Variants in WAPL observed in about 807,000 individuals in gnomAD.
WAPL encodes the protein wings apart-like protein homolog.
WAPL carries 5 observed loss-of-function variants against 121.0 expected under a neutral mutation model. The observed-to-expected ratio is 0.04, with a 90% CI of 0.02 to 0.09. WAPL has a LOEUF of 0.09. WAPL is among the 10% of genes least tolerant of loss of function. WAPL has a pLI of 1.00. For synonymous variants in WAPL, 480 were observed against 481.5 expected (o/e 1.00, Z 0.04); for missense variants, 999 against 1,410.8 (o/e 0.71, Z 4.68).
chr10:86,443,180 C>A, intron 17 of WAPL, 95 bp downstream of exon 17: 2 of 957,142 alleles, frequency 2.1e-6, no homozygotes, highest in Admixed American at 2.2e-5. Context: ...GGGGGAAACA[C>A]TGAAGAAATA....
In WAPL at chr10:86,472,735, T is replaced by C; in HGVS notation, c.1770A>G (p.Gln590=). The C allele has an allele frequency of 6.2e-7, 1 of 1,613,526 alleles. No individual in the cohort carries two copies. The highest frequency in any genetic ancestry group is 8.5e-7 in the Non-Finnish European group (1 of 1,179,698). ...TVRLSSKEPN[Q]KDDGVFKAPA... is the part of the protein sequence containing the mutation. ...GAGCCTTAAAAACTCCATCATCTTT[T>C]TGATTTGGTTCCTTTGAAGACAGCC... Residue 590 remains glutamine (Q), a synonymous_variant, in exon 6 of 19, where the codon CAA becomes CAG. Coordinates refer to ENST00000298767, the MANE Select transcript of WAPL (RefSeq NM_015045.5). The surrounding 1 kb of genome is among the most constrained non-coding windows in gnomAD (Gnocchi z 4.2).
intron 4 of WAPL, among the ~76,000 whole-genome samples, chr10:86,496,027 T>C (rs576555784): frequency 1.1e-4 from 17 of 152,284 alleles, no homozygotes; most frequent in Admixed American, 4.6e-4. Flanking sequence ...GGCAGGAGAA[T>C]TCCTTGAACC....
chr10:86,453,463 A>C (rs1454889129), intron 13 of WAPL, 128 bp from the exon 14 acceptor site: 8 of 1,210,246 alleles, frequency 6.6e-6, no homozygotes, highest in African/African-American at 3.1e-5. Flanking sequence ...CATACTATTG[A>C]TACTTCTGGG....
In WAPL at chr10:86,472,892, G is replaced by A; in HGVS notation, c.1741-128C>T. Reference sequence around the variant, plus strand: ...TTTTTAAAAAGCAGGGAGCAGGGAGGCCTCTCAAAGGTCTTTAGAAATACT... The same window carrying A: ...TTTTTAAAAAGCAGGGAGCAGGGAGACCTCTCAAAGGTCTTTAGAAATACT... On this transcript the variant is annotated intron_variant, in intron 5 of 18. Coordinates refer to ENST00000298767, the MANE Select transcript of WAPL (RefSeq NM_015045.5). The surrounding 1 kb of genome is among the most constrained non-coding windows in gnomAD (Gnocchi z 4.2). 1 of 931,906 alleles carries A rather than the reference G, an allele frequency of 1.1e-6. No homozygotes were observed. Among genetic ancestry groups the A allele is most frequent in the Non-Finnish European group, 1.5e-6 (1 of 655,398 alleles). The allele number at this position is 931,906 out of a possible 1,614,324, so 57.7% of individuals were successfully genotyped here.
Position 86,497,111 on chromosome 10 carries a change from T to G in WAPL, c.1644+90A>C, listed in dbSNP as rs778064219. Reference sequence around the variant, plus strand: ...ATCCTTTGAAAGACAGTTGCTATGATGTTTATTAGTAACTTTCAAATAAAA... The same window carrying G: ...ATCCTTTGAAAGACAGTTGCTATGAGGTTTATTAGTAACTTTCAAATAAAA... On this transcript the variant is annotated intron_variant, in intron 4 of 18. Transcript: ENST00000298767. The G allele has an allele frequency of 1.3e-5, 14 of 1,039,142 alleles. No homozygotes were observed. In the African/African-American group the frequency reaches 2.1e-4, roughly 16 times the overall value. The allele number at this position is 1,039,142 out of a possible 1,614,324, so 64.4% of individuals were successfully genotyped here. A position where few individuals can be genotyped will look rare whatever the true frequency, so the allele number is the denominator to read the frequency against.
At chr10:86,437,777 T>TA in intron 18 of WAPL, 143 bp downstream of exon 18, 1 of 945,396 alleles carries the variant, frequency 1.1e-6, no homozygotes, top group South Asian at 1.8e-5. Context: ...ATGCAATGAT[T>TA]ACCTTGAAGA....
intron 4 of WAPL, among the ~76,000 whole-genome samples, chr10:86,482,463 A>G (rs1382553044): frequency 6.6e-6 from 1 of 152,208 alleles, no homozygotes; most frequent in Admixed American, 6.5e-5. Context: ...TAAAAGCGCC[A>G]AGAAGCAAAG....
chr10:86,511,617 T>C (rs1225783286), intron 2 of WAPL, among the ~76,000 whole-genome samples: 1 of 152,134 alleles, frequency 6.6e-6, no homozygotes, highest in Non-Finnish European at 1.5e-5. Flanking sequence ...TAAGGATCAA[T>C]TGATATGTAA....
In WAPL at chr10:86,473,938, C is replaced by A; in HGVS notation, c.1680G>T (p.Trp560Cys). ...GCAGTTCTTCTGAATCTGGATGATT[C>A]CAATGTCTGGCATTATATACAGCTT... ...PTKAVYNARH[W>C]NHPDSEELPG... Residue 560 changes from tryptophan to cysteine, a missense_variant, in exon 5 of 19, where the codon TGG becomes TGT. Trp to Cys is a radical substitution (Grantham distance 215). Coordinates refer to ENST00000298767, the MANE Select transcript of WAPL (RefSeq NM_015045.5). 6.2e-7 allele frequency: 1 copy of A among 1,613,948 alleles called. No individual in the cohort carries two copies. The highest frequency in any genetic ancestry group is 1.1e-5 in the South Asian group (1 of 91,078).
intron 10 of WAPL, 99 bp from the exon 11 acceptor site, chr10:86,460,595 G>C: frequency 1.2e-6 from 1 of 822,146 alleles, no homozygotes; most frequent in South Asian, 1.7e-5. Context: ...CACACGCTAT[G>C]AACATGCTGG....
At chr10:86,437,795 C>T (rs1849361566) in intron 18 of WAPL, 125 bp downstream of exon 18, 1 of 969,546 alleles carries the variant, frequency 1.0e-6, no homozygotes, top group Non-Finnish European at 1.5e-6. Flanking sequence ...AGAAATAGAA[C>T]ACGATTATTA....
intron 2 of WAPL, among the ~76,000 whole-genome samples, chr10:86,506,393 C>A (rs1340743673): frequency 2.0e-5 from 3 of 152,176 alleles, no homozygotes; most frequent in African/African-American, 7.2e-5. Flanking sequence ...TTAAGCTAGA[C>A]CCTTTTGTGT....
At chr10:86,438,338 C>G (rs1468279000) in intron 17 of WAPL, among the ~76,000 whole-genome samples, 1 of 151,510 alleles carries the variant, frequency 6.6e-6, no homozygotes, top group African/African-American at 2.4e-5. Context: ...ACTGCAACCT[C>G]TACCTCCTGG....
chr10:86,485,405 C>T (rs1841909076), intron 4 of WAPL, among the ~76,000 whole-genome samples: 1 of 151,932 alleles, frequency 6.6e-6, no homozygotes, highest in Admixed American at 6.6e-5. Context: ...GACATGGTGG[C>T]ACCCACCTGT....
At chr10:86,488,470 C>A (rs1046540798) in intron 4 of WAPL, 2 of 152,210 alleles carry the variant, frequency 1.3e-5, no homozygotes, top group African/African-American at 4.8e-5. Flanking sequence ...AGCACATATA[C>A]AAAAACTGGA....
chr10:86,440,676 G>C lies in WAPL; in HGVS notation c.3411+2599C>G, dbSNP rs145331352. ...GTTTCTGATTTGCTCTTAAAATCTTGTCATTGGAAATAAGAAAAAGGGATA... is the reference window on the plus strand; with the variant it reads ...GTTTCTGATTTGCTCTTAAAATCTTCTCATTGGAAATAAGAAAAAGGGATA... On this transcript the variant is annotated intron_variant, in intron 17 of 18. Coordinates refer to ENST00000298767, the MANE Select transcript of WAPL (RefSeq NM_015045.5). Among the ~76,000 whole-genome samples, 13 of 151,962 alleles carry C rather than the reference G, an allele frequency of 8.6e-5. No homozygotes were observed. In the East Asian group the frequency reaches 2.5e-3, roughly 29 times the overall value.
At chr10:86,446,819 G>C (rs1849632600) in intron 15 of WAPL, among the ~76,000 whole-genome samples, 1 of 152,162 alleles carries the variant, frequency 6.6e-6, no homozygotes. Context: ...TGCTGGTATA[G>C]TACTGACACA....
intron 4 of WAPL, among the ~76,000 whole-genome samples, chr10:86,496,671 T>C (rs1842156607): frequency 6.6e-6 from 1 of 152,152 alleles, no homozygotes; most frequent in African/African-American, 2.4e-5. Flanking sequence ...CAATGGAATT[T>C]TATTCAGCCA....
chr10:86,493,221 A>C (rs1197041021), intron 4 of WAPL, among the ~76,000 whole-genome samples: 4 of 152,170 alleles, frequency 2.6e-5, no homozygotes, highest in Non-Finnish European at 4.4e-5. Context: ...ATCAGATTAT[A>C]TCAAAGAATT....
Sources: allele counts gnomAD v4.1 joint callset (sites outside exome capture counted in the v4.1 genomes callset), GRCh38; gene constraint gnomAD v4.1.1; non-coding constraint Gnocchi (gnomAD v3.1); transcripts MANE v1.5; gene names NCBI Gene and HGNC (gene_info 2026-07-23, HGNC 2026-07-21).